ADGRL2: variants seen among roughly 807,000 people sequenced by gnomAD.
ADGRL2 encodes the protein adhesion G protein-coupled receptor L2.
A neutral mutation model predicts 157.4 loss-of-function variants in ADGRL2; 44 were observed. The ratio of observed to expected loss-of-function variants is 0.28; its 90% CI spans 0.22 to 0.36. ADGRL2 has a LOEUF of 0.36. Among genes scored for constraint, ADGRL2 ranks in the 10% least tolerant of loss-of-function variants. The probability of loss-of-function intolerance (pLI) is 1.00; values close to 1 mark genes in which losing one functional copy is unlikely to be tolerated. For missense variants in ADGRL2, 1,510 were observed against 1,768.9 expected (o/e 0.85, Z 2.63); for synonymous variants, 585 against 624.7 (o/e 0.94, Z 0.95).
intron 2 of ADGRL2, among the ~76,000 whole-genome samples, chr1:81,555,787 T>C (rs1020342589): frequency 2.0e-5 from 3 of 152,218 alleles, no homozygotes; most frequent in Admixed American, 2.0e-4. Context: ...TAACGGAAAA[T>C]GTTTTCCCTC....
intron 2 of ADGRL2, among the ~76,000 whole-genome samples, chr1:81,873,654 A>G (rs1009299622): frequency 3.9e-5 from 6 of 152,106 alleles, no homozygotes; most frequent in Non-Finnish European, 8.8e-5. Context: ...GTTAGATAGC[A>G]GGAGGCTGGA....
Position 81,980,862 on chromosome 1 carries a change from C to T in ADGRL2, c.3113+902C>T, listed in dbSNP as rs1359909397. Reference sequence around the variant, plus strand: ...TGGGTAAGGTAGAACCCTACATTAACAAATTTATGGCATGATTTGTATTTT... The same window carrying T: ...TGGGTAAGGTAGAACCCTACATTAATAAATTTATGGCATGATTTGTATTTT... On this transcript the variant is annotated intron_variant, in intron 18 of 23. Transcript: ENST00000686636. The T allele has an allele frequency of 6.1e-6, 4 of 656,530 alleles. No individual in the cohort carries two copies. The African/African-American group carries it at 7.2e-5, about 12-fold the overall frequency. 40.7% of individuals were successfully genotyped at this position (656,530 alleles called of 1,614,324 possible).
At chr1:81,366,910 A>T (rs1321497183) in intron 1 of ADGRL2, among the ~76,000 whole-genome samples, 1 of 152,150 alleles carries the variant, frequency 6.6e-6, no homozygotes, top group Non-Finnish European at 1.5e-5. Flanking sequence ...CCAGTGGATT[A>T]TCATGAGTTC....
At chr1:81,423,061 T>G (rs2077154105) in intron 1 of ADGRL2, among the ~76,000 whole-genome samples, 1 of 152,166 alleles carries the variant, frequency 6.6e-6, no homozygotes, top group Non-Finnish European at 1.5e-5. Context: ...GCAAATATAT[T>G]AACAGAAAAC....
chr1:81,615,154 T>C (rs2081617598), intron 3 of ADGRL2, among the ~76,000 whole-genome samples: 1 of 152,164 alleles, frequency 6.6e-6, no homozygotes, highest in Admixed American at 6.5e-5. Context: ...TTGGAGAACT[T>C]TTGTGTCTAG....
intron 3 of ADGRL2, among the ~76,000 whole-genome samples, chr1:81,673,681 A>AT (rs1254816036): frequency 3.3e-5 from 5 of 151,534 alleles, no homozygotes; most frequent in South Asian, 2.1e-4. Context: ...CGCCCAGCTA[A>AT]TTTTTTTGTA....
intron 1 of ADGRL2, among the ~76,000 whole-genome samples, chr1:81,326,633 G>T (rs1660918577): frequency 1.3e-5 from 2 of 152,122 alleles, no homozygotes; most frequent in African/African-American, 4.8e-5. Flanking sequence ...ACATTAATTT[G>T]CTCTAGGGAC....
intron 1 of ADGRL2, among the ~76,000 whole-genome samples, chr1:81,708,629 T>A (rs951097717): frequency 2.1e-5 from 3 of 143,406 alleles, no homozygotes; most frequent in African/African-American, 7.9e-5. Context: ...ATTGTTTGCA[T>A]TAAAATTTAC....
chr1:81,729,291 T>C (rs1239591481), intron 1 of ADGRL2, among the ~76,000 whole-genome samples: 1 of 152,086 alleles, frequency 6.6e-6, no homozygotes. Context: ...TCAGAGATCT[T>C]TGATTCCACA....
chr1:81,874,305 C>T (rs1374394027), intron 2 of ADGRL2, among the ~76,000 whole-genome samples: 1 of 152,008 alleles, frequency 6.6e-6, no homozygotes, highest in Non-Finnish European at 1.5e-5. Flanking sequence ...CCTTTTGGAA[C>T]CTTGGCAGAA....
At chr1:81,730,936 C>T (rs2084701749) in intron 1 of ADGRL2, among the ~76,000 whole-genome samples, 1 of 152,048 alleles carries the variant, frequency 6.6e-6, no homozygotes, top group African/African-American at 2.4e-5. Context: ...TTATAGGATG[C>T]CATGTCTAAG....
At position 81,992,997 on chromosome 1, in the gene ADGRL2, A is replaced by C. The variant is rs1411770612; in HGVS notation, c.*1852A>C. On this transcript the variant is annotated 3_prime_UTR_variant, in exon 24 of 24. Transcript: ENST00000686636. ...ATAAATCACTTTTATGTGGACACACACATGCCTATTGAATTTAAAAAGGAA... is the reference window on the plus strand; with the variant it reads ...ATAAATCACTTTTATGTGGACACACCCATGCCTATTGAATTTAAAAAGGAA... Among the ~76,000 whole-genome samples the C allele has an allele frequency of 2.8e-5, 4 of 144,592 alleles. No individual in the cohort carries two copies. Among genetic ancestry groups the C allele is most frequent in the Non-Finnish European group, 4.5e-5 (3 of 66,788 alleles). The allele number at this position is 144,592 out of a possible 152,430, so 94.9% of individuals were successfully genotyped here. A position where few individuals can be genotyped will look rare whatever the true frequency, so the allele number is the denominator to read the frequency against.
intron 3 of ADGRL2, among the ~76,000 whole-genome samples, chr1:81,935,408 A>G (rs942031375): frequency 3.3e-5 from 5 of 151,908 alleles, no homozygotes; most frequent in Non-Finnish European, 7.4e-5. Context: ...TTGAATTATA[A>G]AATTTACCTA....
intron 22 of ADGRL2, 169 bp downstream of exon 22, chr1:81,987,198 A>G: frequency 7.6e-7 from 1 of 1,318,098 alleles, no homozygotes. Context: ...AAACTGCACT[A>G]TATTATAGTA....
chr1:81,557,021 C>CA (rs150664851), intron 2 of ADGRL2: 99,730 of 146,702 alleles, frequency 0.68, 34,199 homozygotes, highest in East Asian at 0.86. Context: ...GACTCCGTCT[C>CA]AAAAAAAAAA....
At chr1:81,783,411 T>G (rs2093737981) in intron 2 of ADGRL2, among the ~76,000 whole-genome samples, 1 of 152,230 alleles carries the variant, frequency 6.6e-6, no homozygotes, top group African/African-American at 2.4e-5. Context: ...ATTACAGGCG[T>G]GAGCCACTAT....
chr1:81,414,687 G>A (rs1262586907), intron 1 of ADGRL2, among the ~76,000 whole-genome samples: 2 of 152,160 alleles, frequency 1.3e-5, no homozygotes, highest in African/African-American at 4.8e-5. Flanking sequence ...GAAATGTCTT[G>A]GACGTTCATC....
chr1:81,919,342 G>A (rs919304456), intron 3 of ADGRL2, among the ~76,000 whole-genome samples: 1 of 152,038 alleles, frequency 6.6e-6, no homozygotes, highest in African/African-American at 2.4e-5. Context: ...AAACTAAATG[G>A]AGGAATAAAC....
At chr1:81,461,936 G>A (rs866524055) in intron 2 of ADGRL2, among the ~76,000 whole-genome samples, 2 of 146,832 alleles carry the variant, frequency 1.4e-5, no homozygotes, top group African/African-American at 4.9e-5. Flanking sequence ...AGAAAGGGGG[G>A]GGGGGGTGGT....
Sources: allele counts gnomAD v4.1 joint callset (sites outside exome capture counted in the v4.1 genomes callset), GRCh38; gene constraint gnomAD v4.1.1; transcripts MANE v1.5; gene names NCBI Gene and HGNC (gene_info 2026-07-23, HGNC 2026-07-21).